KMT2E: variants seen among roughly 807,000 people sequenced by gnomAD.
KMT2E encodes the protein lysine methyltransferase 2E (inactive).
In KMT2E, 30 loss-of-function variants were observed where a neutral mutation model predicts 184.6. The ratio of observed to expected loss-of-function variants is 0.16; its 90% CI spans 0.12 to 0.22. KMT2E has a LOEUF of 0.22. Among genes scored for constraint, KMT2E ranks in the 10% least tolerant of loss-of-function variants. The pLI, the probability that KMT2E is intolerant of heterozygous loss-of-function variation, is 1.00. For synonymous variants in KMT2E, 815 were observed against 776.5 expected, an observed-to-expected ratio of 1.05 and a Z score of -0.82; for missense variants, 2,023 against 2,237.4, an observed-to-expected ratio of 0.90 and a Z score of 1.93.
rs749189828 is a variant in KMT2E, at chr7:105,113,401, A to C, written c.*68A>C. On this transcript the variant is annotated 3_prime_UTR_variant, in exon 27 of 27. Transcript: ENST00000311117. ...ACTGTATATTTCATATGTACCTGTT[A>C]AGGTACTTTTTAAAGCTTGTACATG... 2 of 1,452,274 alleles carry C rather than the reference A, an allele frequency of 1.4e-6. No homozygotes were observed. Among genetic ancestry groups the C allele is most frequent in the East Asian group, 4.8e-5 (2 of 41,598 alleles). The allele number at this position is 1,452,274 out of a possible 1,614,324, so 90.0% of individuals were successfully genotyped here. A position where few individuals can be genotyped will look rare whatever the true frequency, so the allele number is the denominator to read the frequency against.
In KMT2E at chr7:105,114,678, A is replaced by T. The variant is rs1407745664; in HGVS notation, c.*1345A>T. Among the ~76,000 whole-genome samples, 1 of 152,248 alleles carries T rather than the reference A, an allele frequency of 6.6e-6. No homozygotes were observed. The highest frequency in any genetic ancestry group is 1.9e-4 in the East Asian group (1 of 5,208). ...ATTACCTGACATAATTTGGCACAGGATACAAATTCTGTGCATCAGAGAAAG... is the reference window on the plus strand; with the variant it reads ...ATTACCTGACATAATTTGGCACAGGTTACAAATTCTGTGCATCAGAGAAAG... On this transcript the variant is annotated 3_prime_UTR_variant, in exon 27 of 27. Transcript: ENST00000311117.
intron 15 of KMT2E, among the ~76,000 whole-genome samples, chr7:105,098,466 C>T (rs1288291028): frequency 6.6e-6 from 1 of 151,944 alleles, no homozygotes; most frequent in African/African-American, 2.4e-5. Flanking sequence ...AGTGCAGTGG[C>T]GCAATCTCAG....
chr7:105,097,951 G>A (rs750578480), intron 15 of KMT2E, among the ~76,000 whole-genome samples: 1 of 151,994 alleles, frequency 6.6e-6, no homozygotes, highest in Non-Finnish European at 1.5e-5. Flanking sequence ...ATGGGGTAGA[G>A]GAAATAACAA....
At chr7:105,060,584 G>T (rs756428233) in intron 3 of KMT2E, among the ~76,000 whole-genome samples, 1 of 151,618 alleles carries the variant, frequency 6.6e-6, no homozygotes, top group African/African-American at 2.4e-5. Flanking sequence ...GTGCCAACAC[G>T]CTTGGCTAGT....
intron 20 of KMT2E, 80 bp from the exon 21 acceptor site, chr7:105,107,084 ATT>A (rs1431976541): frequency 4.9e-6 from 4 of 816,592 alleles, no homozygotes; most frequent in Non-Finnish European, 7.6e-6. Context: ...TATATTTTTC[ATT>A]TTGTTTTCAT....
chr7:105,089,001 A>G (rs1798095957), intron 13 of KMT2E, among the ~76,000 whole-genome samples: 2 of 152,236 alleles, frequency 1.3e-5, no homozygotes, highest in African/African-American at 4.8e-5. Context: ...TATGTAGGTC[A>G]CATTTCAGTT....
Position 105,101,554 on chromosome 7 carries a change from G to T in KMT2E, c.1852G>T (p.Asp618Tyr). ...AKTEVKTECK[D>Y]TQIVSDAEVI... ...AACTGAAGTTAAAACTGAATGTAAA[G>T]ATACACAGATTGTCAGTGATGCTGA... The change falls in exon 16 of 27, where the codon GAT becomes TAT. Residue 618 changes from aspartate to tyrosine, a missense_variant. Asp to Tyr is a radical substitution (Grantham distance 160). This residue lies in a region of KMT2E where 514 missense variants were observed against 621.8 expected (regional missense o/e 0.83). Transcript: ENST00000311117. 1 of 1,571,500 alleles carries T rather than the reference G, an allele frequency of 6.4e-7. No homozygotes were observed. Among genetic ancestry groups the T allele is most frequent in the Non-Finnish European group, 8.6e-7 (1 of 1,165,260 alleles).
chr7:105,108,405 C>A, intron 22 of KMT2E: 1 of 310,388 alleles, frequency 3.2e-6, no homozygotes, highest in Non-Finnish European at 6.4e-6. Context: ...CCTGATTTCC[C>A]ATTATTTGGT....
chr7:105,015,900 A>T (rs1794697506), intron 1 of KMT2E, among the ~76,000 whole-genome samples: 2 of 152,130 alleles, frequency 1.3e-5, no homozygotes, highest in South Asian at 4.1e-4. Flanking sequence ...AGGCAAATAA[A>T]ATGTCTCCAC....
chr7:105,061,282 A>C (rs1796802785), intron 3 of KMT2E, among the ~76,000 whole-genome samples: 1 of 152,358 alleles, frequency 6.6e-6, no homozygotes, highest in African/African-American at 2.4e-5. Flanking sequence ...CTAAGTTCTA[A>C]TGTAAAGTTT....
Position 105,105,643 on chromosome 7 carries a change from A to G in KMT2E, c.2401A>G (p.Lys801Glu), listed in dbSNP as rs200272564. The change falls in exon 18 of 27, where the codon AAA becomes GAA. Residue 801 changes from lysine to glutamate, a missense_variant. Around this residue, in one of 8 missense-constraint regions of KMT2E, gnomAD observed 514 missense variants for 621.8 expected, o/e 0.83. Coordinates refer to ENST00000311117, the MANE Select transcript of KMT2E (RefSeq NM_182931.3). ...IRFTSPFLSEKRRRKEPTENI... is the reference protein window; with the variant it reads ...IRFTSPFLSEERRRKEPTENI... The stretch of plus-strand genomic sequence containing the variant: ...ATTTACTTCACCATTCCTTTCAGAA[A>G]AAAGGAGAAGAAAAGAACCTACTGA... 2 of 1,610,090 alleles carry G rather than the reference A, an allele frequency of 1.2e-6. No homozygotes were observed. Among genetic ancestry groups the G allele is most frequent in the Non-Finnish European group, 1.7e-6 (2 of 1,178,832 alleles).
At chr7:105,030,333 C>G (rs1421469951) in intron 1 of KMT2E, among the ~76,000 whole-genome samples, 2 of 151,976 alleles carry the variant, frequency 1.3e-5, no homozygotes, top group Non-Finnish European at 2.9e-5. Flanking sequence ...AGCATTGGTT[C>G]TTGAAGGTCT....
chr7:105,070,789 G>T (rs1164700928), intron 6 of KMT2E, among the ~76,000 whole-genome samples: 1 of 151,576 alleles, frequency 6.6e-6, no homozygotes, highest in East Asian at 1.9e-4. Flanking sequence ...CTCCAGCCTG[G>T]GCAACAGAGG....
At chr7:105,057,327 G>C (rs1287342208) in intron 3 of KMT2E, among the ~76,000 whole-genome samples, 6 of 152,170 alleles carry the variant, frequency 3.9e-5, no homozygotes, top group Non-Finnish European at 7.3e-5. Flanking sequence ...GTATGGAAAT[G>C]CAGATATATA....
Position 105,107,787 on chromosome 7 carries a change from T to A in KMT2E, c.3330T>A (p.Asp1110Glu). The A allele has an allele frequency of 1.9e-6, 3 of 1,614,140 alleles. No homozygotes were observed. The highest frequency in any genetic ancestry group is 2.5e-6 in the Non-Finnish European group (3 of 1,180,014). The change falls in exon 22 of 27, where the codon GAT (aspartate) becomes GAA (glutamate). Residue 1110 changes from aspartate to glutamate, a missense_variant. Coordinates refer to ENST00000311117, the MANE Select transcript of KMT2E (RefSeq NM_182931.3). Reference sequence around the variant, plus strand: ...GTGAGTCAAAGTGCCTGATGCAGGATGATACTAGAGGCATGTTTATGGAAA... The same window carrying A: ...GTGAGTCAAAGTGCCTGATGCAGGAAGATACTAGAGGCATGTTTATGGAAA... ...RISESKCLMQ[D>E]DTRGMFMETT... is the part of the protein sequence containing the mutation.
intron 22 of KMT2E, 36 bp from the exon 23 acceptor site, chr7:105,108,906 T>G: frequency 6.5e-6 from 10 of 1,538,050 alleles, no homozygotes; most frequent in Non-Finnish European, 8.8e-6. Flanking sequence ...AAAACAAGAA[T>G]AAAAGATTTG....
At chr7:105,093,697 G>C (rs895732026) in intron 15 of KMT2E, among the ~76,000 whole-genome samples, 1 of 151,920 alleles carries the variant, frequency 6.6e-6, no homozygotes, top group African/African-American at 2.4e-5. Context: ...AAAAAAAAGA[G>C]AATTGTATAC....
At chr7:105,029,424 A>T (rs1292193044) in intron 1 of KMT2E, among the ~76,000 whole-genome samples, 1 of 152,230 alleles carries the variant, frequency 6.6e-6, no homozygotes, top group African/African-American at 2.4e-5. Flanking sequence ...TTTAAAATAG[A>T]ATAGTTGTAC....
chr7:105,077,641 G>A (rs970746879), intron 11 of KMT2E: 7 of 476,760 alleles, frequency 1.5e-5, no homozygotes, highest in Non-Finnish European at 2.2e-5. Flanking sequence ...GATATATTCC[G>A]GTCTCTTGCT....
Sources: gnomAD v4.1 joint callset for allele counts (sites outside exome capture counted in the v4.1 genomes callset) on GRCh38, gnomAD v4.1.1 for gene constraint, gnomAD v4.1.1 regional missense constraint, MANE v1.5 for transcripts, NCBI Gene and HGNC (gene_info 2026-07-23, HGNC 2026-07-21) for gene names.